The following ADGRB3 variants were observed in gnomAD, a reference collection of about 807,000 sequenced individuals.
ADGRB3 encodes the protein brain-specific angiogenesis inhibitor 3.
Under a neutral mutation model 193.4 loss-of-function variants are expected in ADGRB3, and 37 were observed. The observed-to-expected ratio is 0.19, with a 90% confidence interval of 0.15 to 0.25. The LOEUF (loss-of-function observed/expected upper bound fraction) is 0.25, where lower values mean the gene tolerates loss of function less well. ADGRB3 is among the 10% of genes least tolerant of loss of function. The pLI is 1.00. For synonymous variants in ADGRB3, 690 were observed against 644.2 expected, an observed-to-expected ratio of 1.07 and a Z score of -1.08; for missense variants, 1,637 against 1,852.9, an observed-to-expected ratio of 0.88 and a Z score of 2.14.
chr6:68,948,437 T>G (rs1252017115), intron 6 of ADGRB3, among the ~76,000 whole-genome samples: 1 of 152,120 alleles, frequency 6.6e-6, no homozygotes, highest in Non-Finnish European at 1.5e-5. Flanking sequence ...GTGTCGCACA[T>G]AATGGAAAGT....
chr6:69,034,612 A>G lies in ADGRB3; in HGVS notation c.2108-13573A>G, dbSNP rs202244943. 5.4e-4 allele frequency among the ~76,000 whole-genome samples: 80 copies of G among 148,382 alleles called. 1 individual carries two copies. The East Asian group carries it at 0.014, about 27-fold the overall frequency. ...TTATAGCTATATATAAATTATAACT[A>G]TATATTTATATAGCTATAAATATAT... On this transcript the variant is annotated intron_variant, in intron 13 of 31. Transcript: ENST00000370598.
chr6:69,232,337 T>C (rs1042095327), intron 17 of ADGRB3: 2 of 1,193,590 alleles, frequency 1.7e-6, no homozygotes, highest in East Asian at 2.9e-5. Flanking sequence ...TTCTCCCCCA[T>C]CCCCCCCACC....
intron 8 of ADGRB3, among the ~76,000 whole-genome samples, chr6:68,965,969 C>T (rs1174766690): frequency 1.3e-5 from 2 of 152,130 alleles, no homozygotes; most frequent in East Asian, 3.8e-4. Flanking sequence ...AGCTTGGATT[C>T]CATCATATAT....
At chr6:69,271,180 G>T (rs1767167276) in intron 20 of ADGRB3, among the ~76,000 whole-genome samples, 1 of 152,176 alleles carries the variant, frequency 6.6e-6, no homozygotes, top group Non-Finnish European at 1.5e-5. Flanking sequence ...GAACGATAAG[G>T]AAAGCAGGGC....
At chr6:69,000,454 T>TTATCTCA (rs1217810491) in intron 11 of ADGRB3, among the ~76,000 whole-genome samples, 3 of 152,226 alleles carry the variant, frequency 2.0e-5, no homozygotes, top group Non-Finnish European at 4.4e-5. Context: ...CGACAGCACT[T>TTATCTCA]TATCTCATGC....
chr6:69,327,477 T>C (rs2127311037), intron 21 of ADGRB3, among the ~76,000 whole-genome samples: 1 of 152,346 alleles, frequency 6.6e-6, no homozygotes, highest in Non-Finnish European at 1.5e-5. Flanking sequence ...TTTGCCTTTC[T>C]GATTTTATAA....
At chr6:68,800,901 C>G (rs1362519681) in intron 3 of ADGRB3, among the ~76,000 whole-genome samples, 1 of 152,124 alleles carries the variant, frequency 6.6e-6, no homozygotes, top group African/African-American at 2.4e-5. Flanking sequence ...AGGAAGGTAA[C>G]AAAGAAAGCA....
chr6:69,174,014 A>T (rs1481631043), intron 17 of ADGRB3, among the ~76,000 whole-genome samples: 1 of 152,236 alleles, frequency 6.6e-6, no homozygotes, highest in Non-Finnish European at 1.5e-5. Context: ...ATCTTCCATT[A>T]CTTGCTGTAA....
At chr6:69,208,844 A>G (rs968481429) in intron 17 of ADGRB3, among the ~76,000 whole-genome samples, 2 of 152,128 alleles carry the variant, frequency 1.3e-5, no homozygotes, top group African/African-American at 4.8e-5. Flanking sequence ...TACATAACCC[A>G]TTTTATGGCT....
At chr6:68,835,185 A>G (rs1218821797) in intron 3 of ADGRB3, among the ~76,000 whole-genome samples, 1 of 152,154 alleles carries the variant, frequency 6.6e-6, no homozygotes, top group African/African-American at 2.4e-5. Flanking sequence ...ATAAGGAGGC[A>G]TTATTTTAAA....
chr6:68,837,680 C>T (rs1768071446), intron 3 of ADGRB3, among the ~76,000 whole-genome samples: 1 of 152,052 alleles, frequency 6.6e-6, no homozygotes, highest in African/African-American at 2.4e-5. Context: ...ATGATCTTTC[C>T]AATAAGAGAT....
At chr6:68,737,801 A>G (rs1765900711) in intron 3 of ADGRB3, among the ~76,000 whole-genome samples, 1 of 152,188 alleles carries the variant, frequency 6.6e-6, no homozygotes, top group South Asian at 2.1e-4. Flanking sequence ...TCAACAATAA[A>G]TATTTACTGA....
At chr6:68,964,098 C>G (rs956346372) in intron 8 of ADGRB3, among the ~76,000 whole-genome samples, 9 of 152,034 alleles carry the variant, frequency 5.9e-5, no homozygotes, top group Admixed American at 1.3e-4. Flanking sequence ...TTTCAAAAGT[C>G]TGTTCAATGG....
intron 3 of ADGRB3, among the ~76,000 whole-genome samples, chr6:68,765,008 AT>A (rs1215838324): frequency 1.3e-5 from 2 of 152,174 alleles, no homozygotes; most frequent in African/African-American, 4.8e-5. Context: ...ATGTTACTGA[AT>A]TTAGCATGTT....
At chr6:69,153,171 A>C (rs1349725073) in intron 17 of ADGRB3, among the ~76,000 whole-genome samples, 4 of 152,182 alleles carry the variant, frequency 2.6e-5, no homozygotes, top group Non-Finnish European at 5.9e-5. Flanking sequence ...ATCTGTTAAA[A>C]AGTAAGAAAA....
At chr6:69,245,361 A>G (rs1349074800) in intron 20 of ADGRB3, among the ~76,000 whole-genome samples, 1 of 152,120 alleles carries the variant, frequency 6.6e-6, no homozygotes, top group Admixed American at 6.6e-5. Context: ...GTGCTCAGAC[A>G]CAAGCATTGA....
intron 3 of ADGRB3, among the ~76,000 whole-genome samples, chr6:68,817,778 G>A (rs555623905): frequency 1.3e-5 from 2 of 152,060 alleles, no homozygotes; most frequent in Admixed American, 6.6e-5. Flanking sequence ...TAGCGTAGGG[G>A]CAACTAAAAA....
chr6:68,646,999 G>A (rs1206248537), intron 3 of ADGRB3, among the ~76,000 whole-genome samples: 1 of 152,176 alleles, frequency 6.6e-6, no homozygotes, highest in Non-Finnish European at 1.5e-5. Flanking sequence ...GAAACTTTAA[G>A]AAGGATTTCC....
intron 3 of ADGRB3, among the ~76,000 whole-genome samples, chr6:68,792,298 A>C (rs1767122129): frequency 6.6e-6 from 1 of 152,188 alleles, no homozygotes; most frequent in South Asian, 2.1e-4. Context: ...CACTAACCTA[A>C]AAGTAGAAAA....
Sources: gnomAD v4.1 joint callset for allele counts (sites outside exome capture counted in the v4.1 genomes callset) on GRCh38, gnomAD v4.1.1 for gene constraint, MANE v1.5 for transcripts, NCBI Gene and HGNC (gene_info 2026-07-23, HGNC 2026-07-21) for gene names.